Variants in GFOD1 observed in about 807,000 individuals in gnomAD.
The protein encoded by GFOD1 is Gfo/Idh/MocA-like oxidoreductase domain containing 1, also known as glucose-fructose oxidoreductase domain-containing protein 1.
In GFOD1, 9 loss-of-function variants were observed where a neutral mutation model predicts 25.4. That is an observed-to-expected ratio of 0.35 (90% CI 0.21 to 0.62). GFOD1 has a LOEUF of 0.62. Ranked by LOEUF, GFOD1 falls within the 20% of genes least tolerant of loss-of-function variation. The pLI, the probability that GFOD1 is intolerant of heterozygous loss-of-function variation, is 0.72. For missense variants in GFOD1, 403 were observed against 556.9 expected, an observed-to-expected ratio of 0.72 and a Z score of 2.78; for synonymous variants, 253 against 245.6, an observed-to-expected ratio of 1.03 and a Z score of -0.28.
intron 1 of GFOD1, chr6:13,408,171 C>T: frequency 1.3e-6 from 1 of 753,818 alleles, no homozygotes; most frequent in African/African-American, 1.9e-5. Context: ...GCAATAGCCT[C>T]TGCCTGATCA....
chr6:13,426,147 C>T (rs748904483), intron 1 of GFOD1, among the ~76,000 whole-genome samples: 3 of 152,220 alleles, frequency 2.0e-5, no homozygotes, highest in Admixed American at 6.5e-5. Flanking sequence ...AGCCAGCAGA[C>T]GTGGAAAGCA....
chr6:13,427,498 A>G (rs1249008982), intron 1 of GFOD1, among the ~76,000 whole-genome samples: 1 of 152,020 alleles, frequency 6.6e-6, no homozygotes, highest in Non-Finnish European at 1.5e-5. Context: ...CATCGCTACA[A>G]AAATTAGCCC....
At position 13,411,441 on chromosome 6, in the gene GFOD1, G is replaced by A. The variant is rs573546176; in HGVS notation, c.254-45779C>T. 3.9e-5 allele frequency among the ~76,000 whole-genome samples: 6 copies of A among 152,194 alleles called. No individual in the cohort carries two copies. In the South Asian group the frequency reaches 1.2e-3, roughly 32 times the overall value. On this transcript the variant is annotated intron_variant, in intron 1 of 1. Coordinates refer to ENST00000379287, the MANE Select transcript of GFOD1 (RefSeq NM_018988.4). ...CGAGTAGCTGGGATTACAGGTGCAT[G>A]CCACCATGCCTGGCTAATTTTTGTA...
rs1433058704 is a variant in GFOD1, at chr6:13,400,369, G to T, written c.254-34707C>A. On this transcript the variant is annotated intron_variant, in intron 1 of 1. Transcript: ENST00000379287. ...AGAGTTGGTGGTTACCACTGCGGAA[G>T]CCACCAAGATCCCACTCCAGCTCCT... 2.0e-5 allele frequency among the ~76,000 whole-genome samples: 3 copies of T among 151,746 alleles called. No homozygotes were observed. The East Asian group carries it at 5.8e-4, about 29-fold the overall frequency.
At chr6:13,373,826 C>T (rs1446813725) in intron 1 of GFOD1, among the ~76,000 whole-genome samples, 1 of 145,554 alleles carries the variant, frequency 6.9e-6, no homozygotes, top group African/African-American at 2.6e-5. Flanking sequence ...GTGGAAGTAT[C>T]ATCAGGATTG....
chr6:13,462,033 A>G (rs1758299878), intron 1 of GFOD1, among the ~76,000 whole-genome samples: 1 of 152,164 alleles, frequency 6.6e-6, no homozygotes, highest in Non-Finnish European at 1.5e-5. Flanking sequence ...ACCAGCTCCT[A>G]GTTGTGTAAC....
At chr6:13,486,258 C>CCCCCCCCCCCCCCA (rs1562234483) in intron 1 of GFOD1, 1 of 247,248 alleles carries the variant, frequency 4.0e-6, no homozygotes, top group Non-Finnish European at 5.8e-6. Context: ...CCCCCCCCCC[C>CCCCCCCCCCCCCCA]ACACACACAC....
chr6:13,409,129 GAAAGAAAGAAA>G lies in GFOD1; in HGVS notation c.254-43478_254-43468del, dbSNP rs773968224. ...AGAAAGAAAGAAAGAAAGAAAGAAA[GAAAGAAAGAAA>G]GAAAGAAAGAGAGGAAAGAAAGAAA... On this transcript the variant is annotated intron_variant, in intron 1 of 1. Coordinates refer to ENST00000379287, the MANE Select transcript of GFOD1 (RefSeq NM_018988.4). Among the ~76,000 whole-genome samples, 73 of 46,732 alleles carry G rather than the reference GAAAGAAAGAAA, an allele frequency of 1.6e-3. 12 individuals are homozygous for G. The highest frequency in any genetic ancestry group is 3.4e-3 in the Non-Finnish European group (55 of 16,192). The allele number at this position is 46,732 out of a possible 152,430, so 30.7% of individuals were successfully genotyped here. A position where few individuals can be genotyped will look rare whatever the true frequency, so the allele number is the denominator to read the frequency against.
At chr6:13,388,002 T>G (rs1461016862) in intron 1 of GFOD1, among the ~76,000 whole-genome samples, 2 of 152,198 alleles carry the variant, frequency 1.3e-5, no homozygotes, top group Non-Finnish European at 2.9e-5. Flanking sequence ...ATGGGGGAAC[T>G]CCCATTCACA....
chr6:13,387,665 T>C (rs1026827461), intron 1 of GFOD1, among the ~76,000 whole-genome samples: 4 of 152,230 alleles, frequency 2.6e-5, no homozygotes, highest in African/African-American at 9.6e-5. Flanking sequence ...AATATCATAC[T>C]GAATGGGCAC....
Position 13,459,848 on chromosome 6 carries a change from C to T in GFOD1, c.253+26790G>A, listed in dbSNP as rs565976614. Among the ~76,000 whole-genome samples the T allele has an allele frequency of 2.0e-4, 30 of 152,242 alleles. No homozygotes were observed. In the South Asian group the frequency reaches 6.2e-3, roughly 32 times the overall value. On this transcript the variant is annotated intron_variant, in intron 1 of 1. Coordinates refer to ENST00000379287, the MANE Select transcript of GFOD1 (RefSeq NM_018988.4). ...TGGTGATTATTAAAAAGTCAAGAGG[C>T]TCATTACAGGCATGGTGGCTCACAC...
At chr6:13,479,855 G>A (rs1424680371) in intron 1 of GFOD1, among the ~76,000 whole-genome samples, 1 of 152,150 alleles carries the variant, frequency 6.6e-6, no homozygotes, top group Non-Finnish European at 1.5e-5. Context: ...TCAGGGGCAG[G>A]AACCCAAAGA....
chr6:13,459,699 A>G (rs948554444), intron 1 of GFOD1, among the ~76,000 whole-genome samples: 1 of 152,268 alleles, frequency 6.6e-6, no homozygotes, highest in African/African-American at 2.4e-5. Context: ...GGACATAAAC[A>G]GACACTTCTC....
At chr6:13,377,783 C>A (rs754439) in intron 1 of GFOD1, among the ~76,000 whole-genome samples, 12,028 of 152,210 alleles carry the variant, frequency 0.079, 1,484 homozygotes, top group African/African-American at 0.27. Flanking sequence ...GAAACCCCCA[C>A]AGAGGAAGAG....
chr6:13,376,827 A>G (rs930662911), intron 1 of GFOD1, among the ~76,000 whole-genome samples: 1 of 152,172 alleles, frequency 6.6e-6, no homozygotes, highest in Non-Finnish European at 1.5e-5. Flanking sequence ...TTAGTCCCCA[A>G]CAAAACCTCA....
chr6:13,485,964 A>G (rs1202211960), intron 1 of GFOD1: 1 of 935,700 alleles, frequency 1.1e-6, no homozygotes, highest in African/African-American at 1.8e-5. Flanking sequence ...CTCTGAAAAC[A>G]TTCTAATACA....
At chr6:13,458,823 C>A (rs1020620133) in intron 1 of GFOD1, among the ~76,000 whole-genome samples, 1 of 126,770 alleles carries the variant, frequency 7.9e-6, no homozygotes, top group African/African-American at 2.8e-5. Flanking sequence ...GGCATGATTT[C>A]TTGTAAGAAG....
At chr6:13,446,337 G>A (rs1418617213) in intron 1 of GFOD1, among the ~76,000 whole-genome samples, 1 of 152,188 alleles carries the variant, frequency 6.6e-6, no homozygotes, top group African/African-American at 2.4e-5. Context: ...GCTGCCCCAG[G>A]AGAATGAGGG....
At chr6:13,428,281 C>T (rs1757679192) in intron 1 of GFOD1, among the ~76,000 whole-genome samples, 1 of 152,220 alleles carries the variant, frequency 6.6e-6, no homozygotes, top group Non-Finnish European at 1.5e-5. Flanking sequence ...TGCTGAATTT[C>T]TCTGTTCTCG....
Sources: gnomAD v4.1 joint callset for allele counts (sites outside exome capture counted in the v4.1 genomes callset) on GRCh38, gnomAD v4.1.1 for gene constraint, MANE v1.5 for transcripts, NCBI Gene and HGNC (gene_info 2026-07-23, HGNC 2026-07-21) for gene names.